TEAD4: variants seen among roughly 807,000 people sequenced by gnomAD.
The protein encoded by TEAD4 is transcriptional enhancer factor TEF-3.
Under a neutral mutation model 52.4 loss-of-function variants are expected in TEAD4, and 36 were observed. The ratio of observed to expected loss-of-function variants is 0.69; its 90% CI spans 0.53 to 0.91. TEAD4 has a LOEUF of 0.91. Ranked by LOEUF, TEAD4 falls within the 40% of genes least tolerant of loss-of-function variation. The probability of loss-of-function intolerance (pLI) is 0.00; values close to 1 mark genes in which losing one functional copy is unlikely to be tolerated. For synonymous variants in TEAD4, 220 were observed against 231.0 expected (o/e 0.95, Z 0.43); for missense variants, 508 against 583.9 (o/e 0.87, Z 1.34).
chr12:3,037,509 T>G (rs1444322499), intron 10 of TEAD4, among the ~76,000 whole-genome samples: 1 of 152,222 alleles, frequency 6.6e-6, no homozygotes, highest in Admixed American at 6.5e-5. Context: ...ACTGCCGGTC[T>G]CTTGCCCTGG....
At chr12:2,996,701 C>T (rs146614561) in intron 3 of TEAD4, among the ~76,000 whole-genome samples, 4 of 152,068 alleles carry the variant, frequency 2.6e-5, no homozygotes, top group African/African-American at 9.7e-5. Flanking sequence ...TGAGCCACCG[C>T]ACCCAGCTTT....
At chr12:3,018,423 A>G in intron 6 of TEAD4, 122 bp from the exon 7 acceptor site, 1 of 1,136,510 alleles carries the variant, frequency 8.8e-7, no homozygotes, top group South Asian at 1.3e-5. Context: ...TAGCTAGGCG[A>G]GGCCTCGGGC....
chr12:2,968,645 T>G (rs2098222554), intron 2 of TEAD4, among the ~76,000 whole-genome samples: 1 of 151,686 alleles, frequency 6.6e-6, no homozygotes, highest in Non-Finnish European at 1.5e-5. Flanking sequence ...GCTGGTGTTT[T>G]TTTTGTTTTG....
chr12:3,019,536 G>A (rs948511215), intron 8 of TEAD4, among the ~76,000 whole-genome samples: 12 of 152,202 alleles, frequency 7.9e-5, no homozygotes, highest in South Asian at 2.1e-4. Flanking sequence ...GCCGAGGGGT[G>A]TCTAGCTCAC....
chr12:2,966,535 C>G (rs531727299), intron 2 of TEAD4, among the ~76,000 whole-genome samples: 1 of 148,724 alleles, frequency 6.7e-6, no homozygotes, highest in Non-Finnish European at 1.5e-5. Context: ...CTCAGCCTCC[C>G]AAGTAGCTGG....
At chr12:2,965,356 C>T (rs553456146) in intron 2 of TEAD4, among the ~76,000 whole-genome samples, 30 of 151,312 alleles carry the variant, frequency 2.0e-4, no homozygotes, top group Middle Eastern at 3.2e-3. Context: ...GGTAGGGTCT[C>T]GCTTTGTTGT....
intron 2 of TEAD4, among the ~76,000 whole-genome samples, chr12:2,982,708 C>A (rs1390190993): frequency 1.3e-5 from 2 of 152,192 alleles, no homozygotes; most frequent in African/African-American, 4.8e-5. Context: ...GGGAGCAACC[C>A]CATTTCGGTA....
Position 3,012,247 on chromosome 12 carries a change from G to GT in TEAD4, c.354+16dup. 1 of 1,613,780 alleles carries GT rather than the reference G, an allele frequency of 6.2e-7. No homozygotes were observed. The highest frequency in any genetic ancestry group is 8.5e-7 in the Non-Finnish European group (1 of 1,179,808). On this transcript the variant is annotated intron_variant, in intron 5 of 12. Transcript: ENST00000359864. The stretch of plus-strand genomic sequence containing the variant: ...CCAAGCTAAAGGTAAGGAAACTGCA[G>GT]TGGGGGTGCTGGAGTGGCCAGGAGT...
At chr12:2,977,233 T>A (rs1030340346) in intron 2 of TEAD4, among the ~76,000 whole-genome samples, 2 of 152,218 alleles carry the variant, frequency 1.3e-5, no homozygotes, top group Non-Finnish European at 2.9e-5. Flanking sequence ...GGCCAGGATC[T>A]GAGCTCAGGC....
chr12:2,960,220 C>A (rs956554292), intron 2 of TEAD4, 180 bp downstream of exon 2: 1 of 932,514 alleles, frequency 1.1e-6, no homozygotes. Context: ...ACACTCGGGA[C>A]TTTGGGGGAA....
At chr12:3,034,791 A>C (rs2098278297) in intron 10 of TEAD4, among the ~76,000 whole-genome samples, 1 of 152,140 alleles carries the variant, frequency 6.6e-6, no homozygotes, top group Non-Finnish European at 1.5e-5. Context: ...ACTTTATTTG[A>C]AAATATGGAA....
chr12:2,974,732 C>T (rs952441898), intron 2 of TEAD4, among the ~76,000 whole-genome samples: 1 of 152,144 alleles, frequency 6.6e-6, no homozygotes, highest in African/African-American at 2.4e-5. Flanking sequence ...GGGCGTGCAC[C>T]GAGGCCCCAC....
At chr12:3,014,125 C>T (rs1043516635) in intron 5 of TEAD4, among the ~76,000 whole-genome samples, 1 of 152,212 alleles carries the variant, frequency 6.6e-6, no homozygotes, top group African/African-American at 2.4e-5. Flanking sequence ...TTCCCTGGGA[C>T]AGCTGACCAG....
chr12:3,010,240 C>A (rs1053089162), intron 3 of TEAD4, among the ~76,000 whole-genome samples: 1 of 152,370 alleles, frequency 6.6e-6, no homozygotes, highest in Admixed American at 6.5e-5. Context: ...ACATGCCGCT[C>A]CTGAACTAGG....
rs138121964 is a variant in TEAD4, at chr12:3,008,795, A to G, written c.227-2209A>G. ...GAGAGTCTAACAAGGAAAGACAGAC[A>G]TGGATAACTGATGAGCACACGATAT... On this transcript the variant is annotated intron_variant, in intron 3 of 12. Transcript: ENST00000359864. Among the ~76,000 whole-genome samples the G allele has an allele frequency of 8.1e-3, 1,241 of 152,286 alleles. 6 individuals carry two copies. The highest frequency in any genetic ancestry group is 0.031 in the Middle Eastern group (9 of 292).
chr12:3,023,683 CAA>C (rs976335723), intron 10 of TEAD4, among the ~76,000 whole-genome samples: 23 of 150,426 alleles, frequency 1.5e-4, no homozygotes, highest in Non-Finnish European at 3.1e-4. Flanking sequence ...CCCAGCTACT[CAA>C]GAGGCTGAGG....
At chr12:3,006,638 C>A (rs1340002076) in intron 3 of TEAD4, among the ~76,000 whole-genome samples, 6 of 151,666 alleles carry the variant, frequency 4.0e-5, no homozygotes, top group Non-Finnish European at 8.8e-5. Flanking sequence ...GAGCCAAGAT[C>A]GCGCCATTTC....
chr12:3,002,266 TG>T (rs1300163428), intron 3 of TEAD4, among the ~76,000 whole-genome samples: 1 of 152,270 alleles, frequency 6.6e-6, no homozygotes, highest in Admixed American at 6.5e-5. Flanking sequence ...TCTGTTCACC[TG>T]TGGATAGACA....
At chr12:2,988,595 G>A (rs1415837788) in intron 2 of TEAD4, among the ~76,000 whole-genome samples, 3 of 151,772 alleles carry the variant, frequency 2.0e-5, no homozygotes, top group Admixed American at 1.3e-4. Flanking sequence ...TCAAAACGAT[G>A]TGTCTTTTTG....
Sources: gnomAD v4.1 joint callset for allele counts (sites outside exome capture counted in the v4.1 genomes callset) on GRCh38, gnomAD v4.1.1 for gene constraint, MANE v1.5 for transcripts, NCBI Gene and HGNC (gene_info 2026-07-23, HGNC 2026-07-21) for gene names.